The following AKAP7 variants were observed in gnomAD, a reference collection of about 807,000 sequenced individuals.
The protein encoded by AKAP7 is A kinase (PRKA) anchor protein 7.
In AKAP7, 39 loss-of-function variants were observed where a neutral mutation model predicts 39.5. The observed-to-expected ratio is 0.99, with a 90% CI of 0.76 to 1.29. AKAP7 has a LOEUF of 1.29. Ranked by LOEUF, AKAP7 falls within the 50% of genes most tolerant of loss-of-function variation. The pLI, the probability that AKAP7 is intolerant of heterozygous loss-of-function variation, is 0.00. For synonymous variants in AKAP7, 140 were observed against 139.1 expected (o/e 1.01, Z -0.05); for missense variants, 414 against 407.7 (o/e 1.02, Z -0.13).
chr6:131,249,401 A>T (rs552939413), intron 7 of AKAP7, among the ~76,000 whole-genome samples: 3 of 152,100 alleles, frequency 2.0e-5, no homozygotes, highest in Non-Finnish European at 4.4e-5. Flanking sequence ...TCATTTTTCC[A>T]TGCTGCAGGC....
Position 131,160,062 on chromosome 6 carries a change from CT to C in AKAP7, c.156del (p.Asp53MetfsTer5), listed in dbSNP as rs770105784. The C allele has an allele frequency of 2.5e-6, 4 of 1,585,630 alleles. No individual in the cohort carries two copies. The highest frequency in any genetic ancestry group is 3.4e-6 in the Non-Finnish European group (4 of 1,172,176). ...TVDIQDDCGI[T>X]DEPQINLKRS... Reference sequence around the variant, plus strand: ...TTGTTTGACTTTTTTCCTCTAGTCACTGATGAACCTCAAATAAATTTGAAGA... The same window carrying C: ...TTGTTTGACTTTTTTCCTCTAGTCACGATGAACCTCAAATAAATTTGAAGA... On this transcript the variant is annotated frameshift_variant, in exon 3 of 8. Coordinates refer to ENST00000431975, the MANE Select transcript of AKAP7 (RefSeq NM_016377.4). LOFTEE classifies it high-confidence loss of function.
In AKAP7 at chr6:131,282,675, C is replaced by T; in HGVS notation, c.*949C>T. On this transcript the variant is annotated 3_prime_UTR_variant, in exon 8 of 8. Transcript: ENST00000431975. ...GCTTATTAAGTAGCTCTTTGGTAAA[C>T]ACCAAAGAAGTTTCTGATAGTGTCT... The T allele has an allele frequency of 7.7e-7, 1 of 1,306,074 alleles. No individual in the cohort carries two copies. The highest frequency in any genetic ancestry group is 2.3e-5 in the Admixed American group (1 of 43,812). The allele number at this position is 1,306,074 out of a possible 1,614,324, so 80.9% of individuals were successfully genotyped here. A position where few individuals can be genotyped will look rare whatever the true frequency, so the allele number is the denominator to read the frequency against.
chr6:131,159,145 C>T (rs1042308840), intron 2 of AKAP7, among the ~76,000 whole-genome samples: 1 of 151,998 alleles, frequency 6.6e-6, no homozygotes, highest in Non-Finnish European at 1.5e-5. Context: ...CCAGGCTGGA[C>T]TGCAGTGGCG....
intron 5 of AKAP7, chr6:131,185,100 C>A: frequency 3.0e-6 from 2 of 662,028 alleles, no homozygotes; most frequent in South Asian, 1.4e-5. Context: ...TGGGGTACCT[C>A]GCTTCCCCAG....
chr6:131,146,943 A>G (rs1206224277), intron 2 of AKAP7, among the ~76,000 whole-genome samples: 13 of 152,228 alleles, frequency 8.5e-5, no homozygotes, highest in Admixed American at 6.5e-4. Context: ...TGGGGAGCCA[A>G]TCTGTTGACA....
Position 131,162,362 on chromosome 6 carries a change from G to T in AKAP7, c.291+2164G>T, listed in dbSNP as rs1336592149. 3.9e-5 allele frequency among the ~76,000 whole-genome samples: 6 copies of T among 152,144 alleles called. No homozygotes were observed. In the East Asian group the frequency reaches 5.8e-4, roughly 15 times the overall value. On this transcript the variant is annotated intron_variant, in intron 3 of 7. Transcript: ENST00000431975. ...GTTTCTGCCTCTCTACCCCTGTAAA[G>T]TTGTGTAGATGCTGGAAAGAGTGCA...
chr6:131,276,533 CAAAAG>C (rs1409562658), intron 7 of AKAP7, among the ~76,000 whole-genome samples: 2 of 149,696 alleles, frequency 1.3e-5, no homozygotes, highest in East Asian at 2.0e-4. Flanking sequence ...GTTAGATGGA[CAAAAG>C]AAAAGGTAAG....
At position 131,178,055 on chromosome 6, in the gene AKAP7, G is replaced by T. The variant is rs12662942; in HGVS notation, c.589+8782G>T. On this transcript the variant is annotated intron_variant, in intron 5 of 7. Transcript: ENST00000431975. ...TTGGTGGTTCATGTTACCTGGTTTTGTTAACTTCTGCCTCTCTTTTTGCTG... is the reference window on the plus strand; with the variant it reads ...TTGGTGGTTCATGTTACCTGGTTTTTTTAACTTCTGCCTCTCTTTTTGCTG... 0.011 allele frequency among the ~76,000 whole-genome samples: 1,670 copies of T among 152,314 alleles called. 101 individuals are homozygous for T. The East Asian group carries it at 0.16, about 15-fold the overall frequency.
intron 5 of AKAP7, among the ~76,000 whole-genome samples, chr6:131,179,547 G>A (rs909396252): frequency 5.3e-5 from 8 of 152,076 alleles, no homozygotes; most frequent in African/African-American, 1.7e-4. Context: ...TGACTGTTTT[G>A]GTCACTAGTG....
At chr6:131,247,287 A>G (rs1425325268) in intron 7 of AKAP7, among the ~76,000 whole-genome samples, 11,215 of 81,620 alleles carry the variant, frequency 0.14, 1,007 homozygotes, top group Non-Finnish European at 0.18. Flanking sequence ...ATATATATAT[A>G]TATATATATA....
At chr6:131,229,302 C>G (rs1562229737) in intron 7 of AKAP7, among the ~76,000 whole-genome samples, 1 of 152,116 alleles carries the variant, frequency 6.6e-6, no homozygotes, top group Non-Finnish European at 1.5e-5. Flanking sequence ...AGGTGCTTGA[C>G]AGAGCACACA....
intron 7 of AKAP7, among the ~76,000 whole-genome samples, chr6:131,277,220 T>C (rs779293235): frequency 6.6e-6 from 1 of 152,220 alleles, no homozygotes; most frequent in Non-Finnish European, 1.5e-5. Context: ...CTGTGTTTGA[T>C]GTGCTTAAAA....
chr6:131,151,282 A>G (rs1255508713), intron 2 of AKAP7, among the ~76,000 whole-genome samples: 1 of 151,342 alleles, frequency 6.6e-6, no homozygotes, highest in Non-Finnish European at 1.5e-5. Flanking sequence ...GGCTCAAGTG[A>G]TCCACCTGCC....
Position 131,159,267 on chromosome 6 carries a change from A to G in AKAP7, c.152-792A>G, listed in dbSNP as rs559807611. Among the ~76,000 whole-genome samples the G allele has an allele frequency of 1.1e-3, 174 of 151,892 alleles. 1 individual carries two copies. Among genetic ancestry groups the G allele is most frequent in the Middle Eastern group, 0.01 (3 of 292 alleles). ...CGCCAGCACACCCAGCTAATTTTTT[A>G]TATTTTTAGTAGAGACGAGGTTTCA... On this transcript the variant is annotated intron_variant, in intron 2 of 7. Coordinates refer to ENST00000431975, the MANE Select transcript of AKAP7 (RefSeq NM_016377.4).
chr6:131,251,958 C>T (rs1436668327), intron 7 of AKAP7, among the ~76,000 whole-genome samples: 10 of 152,320 alleles, frequency 6.6e-5, no homozygotes, highest in East Asian at 3.9e-4. Flanking sequence ...TGGCATGGGC[C>T]GATGCAGGGA....
chr6:131,209,513 G>A (rs911915168), intron 6 of AKAP7, among the ~76,000 whole-genome samples: 11 of 152,220 alleles, frequency 7.2e-5, no homozygotes, highest in South Asian at 4.2e-4. Context: ...GCCTCCCAAA[G>A]TGCTGGGATT....
intron 3 of AKAP7, among the ~76,000 whole-genome samples, chr6:131,162,041 C>G (rs1457449832): frequency 6.6e-6 from 1 of 152,190 alleles, no homozygotes; most frequent in Non-Finnish European, 1.5e-5. Flanking sequence ...TCTCCCTTCA[C>G]CTGTATTCCT....
intron 1 of AKAP7, among the ~76,000 whole-genome samples, chr6:131,144,805 A>G (rs1405977081): frequency 1.3e-5 from 2 of 152,232 alleles, no homozygotes; most frequent in Non-Finnish European, 2.9e-5. Flanking sequence ...TTTTAACTAA[A>G]TATCCAGTGT....
At chr6:131,164,862 T>G (rs1024422402) in intron 3 of AKAP7, among the ~76,000 whole-genome samples, 2 of 152,184 alleles carry the variant, frequency 1.3e-5, no homozygotes, top group African/African-American at 4.8e-5. Context: ...AGATAGACAA[T>G]CATCATGCTT....
Sources: gnomAD v4.1 joint callset for allele counts (sites outside exome capture counted in the v4.1 genomes callset) on GRCh38, gnomAD v4.1.1 for gene constraint, MANE v1.5 for transcripts, NCBI Gene and HGNC (gene_info 2026-07-23, HGNC 2026-07-21) for gene names.